Variants in FBRSL1 observed in about 807,000 individuals in gnomAD.
The protein encoded by FBRSL1 is fibrosin like 1.
FBRSL1 carries 51 observed loss-of-function variants against 89.6 expected under a neutral mutation model. The observed-to-expected ratio is 0.57, with a 90% confidence interval of 0.45 to 0.72. The LOEUF (loss-of-function observed/expected upper bound fraction) is 0.72, where lower values mean the gene tolerates loss of function less well. Ranked by LOEUF, FBRSL1 falls within the 30% of genes least tolerant of loss-of-function variation. FBRSL1 has a pLI of 0.00. For synonymous variants in FBRSL1, 779 were observed against 681.1 expected (o/e 1.14, Z -2.24); for missense variants, 1,618 against 1,451.8 (o/e 1.11, Z -1.86).
intron 1 of FBRSL1, among the ~76,000 whole-genome samples, chr12:132,497,704 G>T (rs2032273580): frequency 6.6e-6 from 1 of 152,134 alleles, no homozygotes; most frequent in Admixed American, 6.5e-5. Flanking sequence ...CCCCTAGGGC[G>T]CCGCCTCACA....
intron 5 of FBRSL1, among the ~76,000 whole-genome samples, chr12:132,561,731 G>A (rs1052123030): frequency 1.3e-5 from 2 of 152,212 alleles, no homozygotes; most frequent in African/African-American, 2.4e-5. Context: ...AAGAGGGCCC[G>A]CGTGCGTGCC....
chr12:132,514,462 C>T (rs1274206745), intron 2 of FBRSL1, among the ~76,000 whole-genome samples: 1 of 152,234 alleles, frequency 6.6e-6, no homozygotes, highest in Non-Finnish European at 1.5e-5. Context: ...CACCGGCCAT[C>T]CTCCTCCGGC....
At chr12:132,579,193 G>A (rs1310305431) in intron 15 of FBRSL1, among the ~76,000 whole-genome samples, 1 of 152,210 alleles carries the variant, frequency 6.6e-6, no homozygotes. Flanking sequence ...CTGGCAGGGG[G>A]CAGGATGATT....
chr12:132,524,436 A>G (rs2035615605), intron 2 of FBRSL1, among the ~76,000 whole-genome samples: 1 of 152,192 alleles, frequency 6.6e-6, no homozygotes, highest in South Asian at 2.1e-4. Flanking sequence ...CCTTGTGTGC[A>G]CCCTGTCAGC....
At chr12:132,509,938 G>A in intron 2 of FBRSL1, 2 of 1,231,350 alleles carry the variant, frequency 1.6e-6, no homozygotes, top group South Asian at 4.1e-5. Context: ...TGTCAGTACG[G>A]CCAGCCCCGA....
At chr12:132,545,114 G>T (rs2037580484) in intron 4 of FBRSL1, among the ~76,000 whole-genome samples, 1 of 152,204 alleles carries the variant, frequency 6.6e-6, no homozygotes, top group South Asian at 2.1e-4. Context: ...GTGTGGGGCA[G>T]TGCGGCACAG....
chr12:132,529,640 C>T (rs1469291808), intron 4 of FBRSL1, among the ~76,000 whole-genome samples: 2 of 151,840 alleles, frequency 1.3e-5, no homozygotes, highest in African/African-American at 4.8e-5. Context: ...ACCCTAAGCT[C>T]TGCCACCCTG....
At chr12:132,561,711 G>A (rs558666853) in intron 5 of FBRSL1, among the ~76,000 whole-genome samples, 3 of 152,306 alleles carry the variant, frequency 2.0e-5, no homozygotes, top group South Asian at 4.2e-4. Flanking sequence ...AACCCGGGAC[G>A]CCAGCCAAGA....
At chr12:132,550,066 C>T (rs1181100835) in intron 5 of FBRSL1, among the ~76,000 whole-genome samples, 4 of 151,258 alleles carry the variant, frequency 2.6e-5, no homozygotes, top group South Asian at 2.1e-4. Flanking sequence ...TTCCTGCACA[C>T]GGAGGGTCCC....
At position 132,499,036 on chromosome 12, in the gene FBRSL1, C is replaced by T. The variant is rs985830793; in HGVS notation, c.291+8175C>T. On this transcript the variant is annotated intron_variant, in intron 1 of 18. Coordinates refer to ENST00000680143, the MANE Select transcript of FBRSL1 (RefSeq NM_001367871.1). This position sits in a 1 kb window ranked among gnomAD's most constrained non-coding sequence, Gnocchi z 4.3. ...TGTATGTGACCAAGGGTACCTGCCA[C>T]CTCTGCTGTCCCCTGGGACAGTGCT... Among the ~76,000 whole-genome samples, 2 of 152,326 alleles carry T rather than the reference C, an allele frequency of 1.3e-5. No individual in the cohort carries two copies. Among genetic ancestry groups the T allele is most frequent in the East Asian group, 3.9e-4 (2 of 5,186 alleles).
chr12:132,530,966 C>T (rs2137013087), intron 4 of FBRSL1, among the ~76,000 whole-genome samples: 1 of 138,994 alleles, frequency 7.2e-6, no homozygotes, highest in East Asian at 2.1e-4. Context: ...CCCATGCTGT[C>T]AGCCCTGCGG....
At chr12:132,503,106 G>A (rs573891858) in intron 1 of FBRSL1, among the ~76,000 whole-genome samples, 3 of 79,966 alleles carry the variant, frequency 3.8e-5, no homozygotes, top group East Asian at 3.8e-4. Context: ...ACAGTGCCCC[G>A]CCTCCCACCC....
intron 1 of FBRSL1, among the ~76,000 whole-genome samples, chr12:132,506,596 G>A (rs1247063646): frequency 1.3e-5 from 2 of 152,290 alleles, no homozygotes; most frequent in East Asian, 3.8e-4. Flanking sequence ...ATCCAGCGCT[G>A]CAAACAGCCG....
In FBRSL1 at chr12:132,572,961, C is replaced by T. The variant is rs3829335; in HGVS notation, c.1530+339C>T. 2.4e-3 allele frequency among the ~76,000 whole-genome samples: 366 copies of T among 152,284 alleles called. 1 individual carries two copies. Among genetic ancestry groups the T allele is most frequent in the African/African-American group, 7.5e-3 (313 of 41,554 alleles). ...CAGCAGCCTCACAGGCCGTCCTTACCGCAAGGAGGTTCTTACGGGGCCATC... is the reference window on the plus strand; with the variant it reads ...CAGCAGCCTCACAGGCCGTCCTTACTGCAAGGAGGTTCTTACGGGGCCATC... On this transcript the variant is annotated intron_variant, in intron 11 of 18. Coordinates refer to ENST00000680143, the MANE Select transcript of FBRSL1 (RefSeq NM_001367871.1).
At chr12:132,511,125 A>G (rs2136641309) in intron 2 of FBRSL1, 2 of 985,430 alleles carry the variant, frequency 2.0e-6, no homozygotes, top group East Asian at 1.1e-4. Context: ...AGGGCCCCCA[A>G]GCTACAGGGG....
At chr12:132,501,600 C>CTGCCT (rs1340204513) in intron 1 of FBRSL1, among the ~76,000 whole-genome samples, 1 of 152,182 alleles carries the variant, frequency 6.6e-6, no homozygotes, top group African/African-American at 2.4e-5. Context: ...AAGCCTGAGC[C>CTGCCT]TGCCTTCCGC....
chr12:132,571,554 G>C (rs771816940), intron 9 of FBRSL1: 9 of 1,341,308 alleles, frequency 6.7e-6, no homozygotes, highest in Non-Finnish European at 8.7e-6. Flanking sequence ...GGCAGGGGGC[G>C]GGGGCGGGCG....
chr12:132,584,412 C>T lies in FBRSL1; in HGVS notation c.*634C>T, dbSNP rs780862984. 1 of 152,190 alleles carries T rather than the reference C, an allele frequency of 6.6e-6. No homozygotes were observed. The allele number at this position is 152,190 out of a possible 1,614,324, so 9.4% of individuals were successfully genotyped here. A position where few individuals can be genotyped will look rare whatever the true frequency, so the allele number is the denominator to read the frequency against. ...TATAAATATATGACGTTACTAAATT[C>T]TTAATCTAGATAGACTTTATAAAAA... On this transcript the variant is annotated 3_prime_UTR_variant, in exon 19 of 19. Transcript: ENST00000680143.
chr12:132,578,478 C>G (rs1463486509), intron 15 of FBRSL1, among the ~76,000 whole-genome samples: 1 of 152,160 alleles, frequency 6.6e-6, no homozygotes, highest in Admixed American at 6.5e-5. Context: ...GGGCCGGTCT[C>G]GCTGTCTCAG....
Sources: allele counts gnomAD v4.1 joint callset (sites outside exome capture counted in the v4.1 genomes callset), GRCh38; gene constraint gnomAD v4.1.1; non-coding constraint Gnocchi (gnomAD v3.1); transcripts MANE v1.5; gene names NCBI Gene and HGNC (gene_info 2026-07-23, HGNC 2026-07-21).